Variants in ARHGAP6 observed in about 807,000 individuals in gnomAD.
ARHGAP6 encodes the protein rho GTPase-activating protein 6.
ARHGAP6 carries 16 observed loss-of-function variants against 55.7 expected under a neutral mutation model. That is an observed-to-expected ratio of 0.29 (90% CI 0.19 to 0.44). The LOEUF (loss-of-function observed/expected upper bound fraction) is 0.44, where lower values mean the gene tolerates loss of function less well. ARHGAP6 is among the 20% of genes least tolerant of loss of function. ARHGAP6 has a pLI of 1.00. For missense variants in ARHGAP6, 698 were observed against 808.9 expected (o/e 0.86, Z 1.66); for synonymous variants, 382 against 360.9 (o/e 1.06, Z -0.66).
chrX:11,263,504 T>C (rs1046046960), intron 1 of ARHGAP6, among the ~76,000 whole-genome samples: 1 of 112,105 alleles, frequency 8.9e-6, no homozygotes, highest in Admixed American at 9.4e-5. Context: ...TTAAGAAATG[T>C]GTGCTGAATT....
At chrX:11,302,836 A>T (rs1344486817) in intron 1 of ARHGAP6, among the ~76,000 whole-genome samples, 1 of 111,230 alleles carries the variant, frequency 9.0e-6, no homozygotes, top group East Asian at 2.8e-4. Flanking sequence ...CAAGAAAAAA[A>T]GATCAAGCTG....
chrX:11,165,158 T>TC (rs1475113149), intron 9 of ARHGAP6, among the ~76,000 whole-genome samples: 33 of 111,392 alleles, frequency 3.0e-4, no homozygotes, highest in African/African-American at 1.1e-3. Flanking sequence ...ACATTTTTTT[T>TC]CTAGTAATAC....
chrX:11,618,748 T>C (rs2052196180), intron 1 of ARHGAP6, among the ~76,000 whole-genome samples: 1 of 112,517 alleles, frequency 8.9e-6, no homozygotes, highest in Non-Finnish European at 1.9e-5. Flanking sequence ...TGGATAGTCA[T>C]TACCCAACCC....
At chrX:11,366,662 G>A (rs1049481516) in intron 1 of ARHGAP6, among the ~76,000 whole-genome samples, 6 of 111,873 alleles carry the variant, frequency 5.4e-5, no homozygotes, top group Non-Finnish European at 9.4e-5. Flanking sequence ...GGTAAATGTC[G>A]AATGTTACTA....
intron 1 of ARHGAP6, among the ~76,000 whole-genome samples, chrX:11,286,675 G>T (rs1004495652): frequency 9.8e-5 from 11 of 111,941 alleles, no homozygotes; most frequent in African/African-American, 3.6e-4. Context: ...AAGAGCGAGG[G>T]TTGTTGCTGC....
chrX:11,186,163 C>T lies in ARHGAP6; in HGVS notation c.1273+73G>A, dbSNP rs936463586. 5.1e-5 allele frequency: 49 copies of T among 962,438 alleles called. No homozygotes were observed. In the Admixed American group the frequency reaches 1.3e-3, roughly 25 times the overall value. 79.3% of individuals were successfully genotyped at this position (962,438 alleles called of 1,213,427 possible). On this transcript the variant is annotated intron_variant, in intron 5 of 12. Coordinates refer to ENST00000337414, the MANE Select transcript of ARHGAP6 (RefSeq NM_013427.3). ...TGATCATTTGATCAAGCAGAATTGA[C>T]ATTGGGTACTTCAGTGAATGATGCT... is the stretch of plus-strand genomic sequence containing the variant.
intron 1 of ARHGAP6, among the ~76,000 whole-genome samples, chrX:11,616,301 A>G (rs2052163162): frequency 1.8e-5 from 2 of 111,044 alleles, no homozygotes; most frequent in Middle Eastern, 9.3e-3. Flanking sequence ...AGCCTGCAGA[A>G]CCATGAGCCA....
chrX:11,632,266 A>G (rs753846564), intron 1 of ARHGAP6, among the ~76,000 whole-genome samples: 52 of 112,455 alleles, frequency 4.6e-4, no homozygotes, highest in African/African-American at 1.6e-3. Flanking sequence ...GTAAGGGGAA[A>G]TAATTTTCTT....
chrX:11,241,602 C>A (rs1156647526), intron 2 of ARHGAP6, among the ~76,000 whole-genome samples: 1 of 106,778 alleles, frequency 9.4e-6, no homozygotes, highest in Non-Finnish European at 1.9e-5. Context: ...AGAAATCTTT[C>A]ATACCCTAGA....
chrX:11,634,698 TA>T (rs2052399329), intron 1 of ARHGAP6, among the ~76,000 whole-genome samples: 1 of 112,310 alleles, frequency 8.9e-6, no homozygotes, highest in Admixed American at 9.4e-5. Context: ...AGATTTTTAA[TA>T]AGAAAATGTT....
intron 1 of ARHGAP6, among the ~76,000 whole-genome samples, chrX:11,271,234 C>G (rs1196063998): frequency 8.9e-6 from 1 of 111,817 alleles, no homozygotes; most frequent in Non-Finnish European, 1.9e-5. Flanking sequence ...TACAGGGATG[C>G]TGAAGTACTG....
intron 1 of ARHGAP6, among the ~76,000 whole-genome samples, chrX:11,555,360 G>A (rs1203361060): frequency 9.0e-6 from 1 of 111,137 alleles, no homozygotes; most frequent in African/African-American, 3.3e-5. Context: ...AAATAAAGCT[G>A]GATAAAGGGA....
chrX:11,474,133 T>A (rs2050379706), intron 1 of ARHGAP6, among the ~76,000 whole-genome samples: 1 of 111,053 alleles, frequency 9.0e-6, no homozygotes, highest in Admixed American at 9.6e-5. Context: ...ATGTTCTGAT[T>A]ACCCTTTCCC....
rs180994087 is a variant in ARHGAP6, at chrX:11,254,360, C to G, written c.748+188G>C. 3.6e-4 allele frequency among the ~76,000 whole-genome samples: 40 copies of G among 111,841 alleles called. No homozygotes were observed. The East Asian group carries it at 3.9e-3, about 11-fold the overall frequency. ...ACCTTCCCTTTAAATAAATGTATTA[C>G]CTGACATGCAAATTGTCCCTCTTGA... On this transcript the variant is annotated intron_variant, in intron 2 of 12. Coordinates refer to ENST00000337414, the MANE Select transcript of ARHGAP6 (RefSeq NM_013427.3).
intron 1 of ARHGAP6, among the ~76,000 whole-genome samples, chrX:11,579,784 A>C (rs2051644518): frequency 8.9e-6 from 1 of 112,058 alleles, no homozygotes; most frequent in African/African-American, 3.2e-5. Context: ...ATTCCGAAGG[A>C]GATGACTTCA....
chrX:11,390,887 A>C (rs1280148329), intron 1 of ARHGAP6, among the ~76,000 whole-genome samples: 6 of 112,157 alleles, frequency 5.3e-5, no homozygotes, highest in Non-Finnish European at 1.1e-4. Context: ...TAGTTCAACC[A>C]TTGTGGAAGA....
chrX:11,550,263 T>C (rs1443983708), intron 1 of ARHGAP6, among the ~76,000 whole-genome samples: 2 of 111,641 alleles, frequency 1.8e-5, no homozygotes, highest in East Asian at 5.5e-4. Context: ...AGAGCTCCGT[T>C]TATCACCCTG....
At chrX:11,304,386 G>T (rs746134083) in intron 1 of ARHGAP6, among the ~76,000 whole-genome samples, 1 of 111,213 alleles carries the variant, frequency 9.0e-6, no homozygotes. Flanking sequence ...CACCATGCCC[G>T]GCCCATGTCT....
intron 1 of ARHGAP6, among the ~76,000 whole-genome samples, chrX:11,589,234 G>A (rs1325658084): frequency 9.3e-6 from 1 of 107,182 alleles, no homozygotes. Flanking sequence ...TGGAGACGGG[G>A]TTTCACCATC....
Sources: allele counts gnomAD v4.1 joint callset (sites outside exome capture counted in the v4.1 genomes callset), GRCh38; gene constraint gnomAD v4.1.1; transcripts MANE v1.5; gene names NCBI Gene and HGNC (gene_info 2026-07-23, HGNC 2026-07-21).